Variants in ITIH5 observed in about 807,000 individuals in gnomAD.
The protein encoded by ITIH5 is inter-alpha-trypsin inhibitor heavy chain H5.
ITIH5 carries 65 observed loss-of-function variants against 77.5 expected under a neutral mutation model. That is an observed-to-expected ratio of 0.84 (90% confidence interval 0.69 to 1.03). ITIH5 has a LOEUF of 1.03. Among genes scored for constraint, ITIH5 ranks in the 50% least tolerant of loss-of-function variants. ITIH5 has a pLI of 0.00. For missense variants in ITIH5, 1,208 were observed against 1,213.1 expected (o/e 1.00, Z 0.06); for synonymous variants, 525 against 494.3 (o/e 1.06, Z -0.82).
chr10:7,577,023 A>G lies in ITIH5; in HGVS notation c.1419-11T>C, dbSNP rs780165497. The stretch of plus-strand genomic sequence containing the variant: ...ATTTCATCGTAGAACCTGCAGTGGA[A>G]GCACAGGGAGGGAGGGAGATCAGGG... On this transcript the variant is annotated splice_polypyrimidine_tract_variant and intron_variant, in intron 9 of 13. Coordinates refer to ENST00000397146, the MANE Select transcript of ITIH5 (RefSeq NM_030569.7). The G allele has an allele frequency of 6.9e-6, 11 of 1,599,288 alleles. No homozygotes were observed. The highest frequency in any genetic ancestry group is 1.1e-5 in the South Asian group (1 of 89,336).
intron 2 of ITIH5, among the ~76,000 whole-genome samples, chr10:7,647,338 A>ACT (rs1279105474): frequency 1.3e-5 from 2 of 152,244 alleles, no homozygotes; most frequent in African/African-American, 4.8e-5. Context: ...AACATGGAGA[A>ACT]TAATTCAGCT....
chr10:7,635,895 T>C (rs903332786), intron 5 of ITIH5, among the ~76,000 whole-genome samples: 4 of 152,202 alleles, frequency 2.6e-5, no homozygotes, highest in Non-Finnish European at 5.9e-5. Flanking sequence ...CATTCTATGA[T>C]TGTGCAGCCG....
chr10:7,654,704 T>C (rs1188642645), intron 2 of ITIH5, among the ~76,000 whole-genome samples: 2 of 152,258 alleles, frequency 1.3e-5, no homozygotes, highest in Non-Finnish European at 2.9e-5. Flanking sequence ...AATCATCCTT[T>C]GTCTCTGACC....
intron 9 of ITIH5, among the ~76,000 whole-genome samples, chr10:7,579,314 T>C (rs1832489597): frequency 6.6e-6 from 1 of 152,146 alleles, no homozygotes; most frequent in African/African-American, 2.4e-5. Flanking sequence ...TCACCTGAGG[T>C]CAGGAGTTCG....
chr10:7,566,064 G>C lies in ITIH5; in HGVS notation c.2493C>G (p.Ser831Arg). The C allele has an allele frequency of 6.2e-7, 1 of 1,614,120 alleles. No individual in the cohort carries two copies. ...CGTGGCAGTTGCTGGAAAGGCCCTC[G>C]CTGTTGGCAATGTAGAAACCCAGGT... ...RHHLGFYIAN[S>R]EGLSSNCHGL... The change falls in exon 13 of 14, where the codon AGC becomes AGG. Residue 831 changes from serine to arginine, a missense_variant. Transcript: ENST00000397146.
chr10:7,657,900 C>A (rs1834213410), intron 1 of ITIH5, among the ~76,000 whole-genome samples: 1 of 152,244 alleles, frequency 6.6e-6, no homozygotes, highest in Non-Finnish European at 1.5e-5. Flanking sequence ...CCCAAGTTCA[C>A]AGTGACCAAC....
chr10:7,620,986 C>G (rs1260982368), intron 5 of ITIH5: 1 of 152,168 alleles, frequency 6.6e-6, no homozygotes, highest in South Asian at 2.1e-4. Flanking sequence ...TGGGAACTTG[C>G]TAGAAATGCC....
chr10:7,658,541 T>A (rs1387128979), intron 1 of ITIH5, among the ~76,000 whole-genome samples: 2 of 152,162 alleles, frequency 1.3e-5, no homozygotes, highest in East Asian at 3.9e-4. Context: ...ATCCAGAGAA[T>A]ACGTGCCCAG....
chr10:7,644,863 C>CATATATAACAT (rs1564278294), intron 2 of ITIH5, among the ~76,000 whole-genome samples: 1 of 117,366 alleles, frequency 8.5e-6, no homozygotes, highest in African/African-American at 3.6e-5. Context: ...ATATGTATCA[C>CATATATAACAT]ATATATATCA....
intron 9 of ITIH5, among the ~76,000 whole-genome samples, chr10:7,577,258 G>A (rs1371699164): frequency 1.3e-5 from 2 of 151,980 alleles, no homozygotes; most frequent in African/African-American, 4.8e-5. Context: ...CTCTCATGAT[G>A]AGAAAAAACC....
intron 7 of ITIH5, among the ~76,000 whole-genome samples, chr10:7,612,759 C>T (rs1369053252): frequency 6.6e-6 from 1 of 151,942 alleles, no homozygotes; most frequent in Admixed American, 6.6e-5. Context: ...CCATGGTACC[C>T]TCTCAGTAAC....
At chr10:7,605,830 G>A (rs12258237) in intron 7 of ITIH5, among the ~76,000 whole-genome samples, 8,113 of 152,168 alleles carry the variant, frequency 0.053, 248 homozygotes, top group Middle Eastern at 0.15. Flanking sequence ...GCAAAGTTTC[G>A]TTTCAGCCCC....
chr10:7,638,911 T>C (rs547274393), intron 4 of ITIH5, among the ~76,000 whole-genome samples: 10 of 152,368 alleles, frequency 6.6e-5, no homozygotes, highest in African/African-American at 1.9e-4. Flanking sequence ...AACTTGTTCA[T>C]AGCTGTTCAT....
chr10:7,613,623 T>C (rs1001248239), intron 7 of ITIH5, among the ~76,000 whole-genome samples: 5 of 152,148 alleles, frequency 3.3e-5, no homozygotes, highest in African/African-American at 9.6e-5. Flanking sequence ...GCTAAACAAA[T>C]GGGGTTTTAA....
Position 7,656,809 on chromosome 10 carries a change from T to A in ITIH5, c.91-1134A>T, listed in dbSNP as rs527294108. ...CCCAGGCTGGAGTGCTGTGGCATGG[T>A]CTTGGCTCACTGCAACCTCCGCCTC... On this transcript the variant is annotated intron_variant, in intron 1 of 13. Coordinates refer to ENST00000397146, the MANE Select transcript of ITIH5 (RefSeq NM_030569.7). Among the ~76,000 whole-genome samples, 8 of 148,298 alleles carry A rather than the reference T, an allele frequency of 5.4e-5. No individual in the cohort carries two copies. The East Asian group carries it at 1.6e-3, about 30-fold the overall frequency.
At chr10:7,608,353 C>T (rs2131020008) in intron 7 of ITIH5, among the ~76,000 whole-genome samples, 1 of 152,342 alleles carries the variant, frequency 6.6e-6, no homozygotes, top group East Asian at 1.9e-4. Context: ...CATCATAGCT[C>T]ACTGCAGTCT....
Position 7,576,556 on chromosome 10 carries a change from C to G in ITIH5, c.1875G>C (p.Gly625=), listed in dbSNP as rs778605063. ...CCAGGCCATCCATGCGTGGGACCGG[C>G]CCCCTCAGCTTCATGGAGGTGAAGG... ...LTPFTSMKLR[G]PVPRMDGLEE... The change falls in exon 10 of 14, where the codon GGG becomes GGC. Residue 625 remains glycine (G), a synonymous_variant. Coordinates refer to ENST00000397146, the MANE Select transcript of ITIH5 (RefSeq NM_030569.7). 4 of 1,613,506 alleles carry G rather than the reference C, an allele frequency of 2.5e-6. No homozygotes were observed. In the African/African-American group the frequency reaches 5.3e-5, roughly 22 times the overall value.
intron 1 of ITIH5, among the ~76,000 whole-genome samples, chr10:7,665,299 T>A (rs185419099): frequency 4.4e-4 from 67 of 152,320 alleles, no homozygotes; most frequent in Non-Finnish European, 7.2e-4. Context: ...CATCCCACAC[T>A]GTCCTGTCTC....
At chr10:7,590,744 G>A (rs1043346291) in intron 7 of ITIH5, among the ~76,000 whole-genome samples, 15 of 152,162 alleles carry the variant, frequency 9.9e-5, no homozygotes, top group African/African-American at 3.6e-4. Flanking sequence ...CTTCCCTTAG[G>A]ATAAATTCCC....
Sources: allele counts gnomAD v4.1 joint callset (sites outside exome capture counted in the v4.1 genomes callset), GRCh38; gene constraint gnomAD v4.1.1; transcripts MANE v1.5; gene names NCBI Gene and HGNC (gene_info 2026-07-23, HGNC 2026-07-21).